The following GALNT6 variants were observed in gnomAD, a reference collection of about 807,000 sequenced individuals.
GALNT6 encodes polypeptide N-acetylgalactosaminyltransferase 6.
In GALNT6, 51 loss-of-function variants were observed where a neutral mutation model predicts 65.9. That is an observed-to-expected ratio of 0.77 (90% CI 0.62 to 0.98). The LOEUF (loss-of-function observed/expected upper bound fraction) is 0.98, where lower values mean the gene tolerates loss of function less well. GALNT6 is among the 50% of genes least tolerant of loss of function. The pLI is 0.00. For synonymous variants in GALNT6, 323 were observed against 315.1 expected, an observed-to-expected ratio of 1.02 and a Z score of -0.26; for missense variants, 708 against 803.3, an observed-to-expected ratio of 0.88 and a Z score of 1.43.
In GALNT6 at chr12:51,384,917, A is replaced by G. The variant is rs371136747; in HGVS notation, c.-103-5033T>C. Among the ~76,000 whole-genome samples, 15 of 152,306 alleles carry G rather than the reference A, an allele frequency of 9.8e-5. No individual in the cohort carries two copies. In the South Asian group the frequency reaches 2.5e-3, roughly 25 times the overall value. ...AAAAATAAATAAATTTTAAAAACCC[A>G]GAATAGAATGAAAAGAAAATATCAA... On this transcript the variant is annotated intron_variant, in intron 2 of 11. Coordinates refer to ENST00000356317, the MANE Select transcript of GALNT6 (RefSeq NM_007210.4).
intron 11 of GALNT6, 137 bp downstream of exon 11, chr12:51,355,669 C>A: frequency 1.5e-6 from 1 of 663,396 alleles, no homozygotes; most frequent in East Asian, 3.0e-5. Flanking sequence ...GGGGTTTCAC[C>A]ATGTTGGCCA....
chr12:51,362,396 T>C (rs1023470094), intron 6 of GALNT6, among the ~76,000 whole-genome samples: 2 of 152,054 alleles, frequency 1.3e-5, no homozygotes, highest in Admixed American at 6.5e-5. Flanking sequence ...TGGCTTGAGA[T>C]GGGAGGCCGG....
chr12:51,357,454 C>A lies in GALNT6; in HGVS notation c.1501-4G>T. On this transcript the variant is annotated splice_region_variant and splice_polypyrimidine_tract_variant and intron_variant, in intron 9 of 11. Transcript: ENST00000356317. ...GGTTGGTGCCGAGGTTCTTGATCTG[C>A]AGAAGGGTGAGCAGAGAGGGGAAGC... 5 of 1,607,718 alleles carry A rather than the reference C, an allele frequency of 3.1e-6. No individual in the cohort carries two copies. In the South Asian group the frequency reaches 4.4e-5, roughly 14 times the overall value.
rs570627140 is a variant in GALNT6, at chr12:51,364,054, G to A, written c.1049+67C>T. 17 of 1,038,082 alleles carry A rather than the reference G, an allele frequency of 1.6e-5. No individual in the cohort carries two copies. The African/African-American group carries it at 2.3e-4, about 14-fold the overall frequency. The allele number at this position is 1,038,082 out of a possible 1,614,324, so 64.3% of individuals were successfully genotyped here. ...CACCTAACAAATGTTGATGTGAGATGGCACAGGTTCCTGGAACTGGGTAGG... is the reference window on the plus strand; with the variant it reads ...CACCTAACAAATGTTGATGTGAGATAGCACAGGTTCCTGGAACTGGGTAGG... On this transcript the variant is annotated intron_variant, in intron 6 of 11. Coordinates refer to ENST00000356317, the MANE Select transcript of GALNT6 (RefSeq NM_007210.4).
At chr12:51,360,199 G>A (rs552602858) in intron 7 of GALNT6, 2 of 152,146 alleles carry the variant, frequency 1.3e-5, no homozygotes, top group African/African-American at 4.8e-5. Context: ...AGAGTTCTGG[G>A]GTCCACCAGA....
chr12:51,353,562 G>C lies in GALNT6; in HGVS notation c.*817C>G, dbSNP rs1226403665. 1 of 151,956 alleles carries C rather than the reference G, an allele frequency of 6.6e-6. No individual in the cohort carries two copies. Among genetic ancestry groups the C allele is most frequent in the East Asian group, 1.9e-4 (1 of 5,166 alleles). 9.4% of individuals were successfully genotyped at this position (151,956 alleles called of 1,614,324 possible). A position where few individuals can be genotyped will look rare whatever the true frequency, so the allele number is the denominator to read the frequency against. On this transcript the variant is annotated 3_prime_UTR_variant, in exon 12 of 12. Coordinates refer to ENST00000356317, the MANE Select transcript of GALNT6 (RefSeq NM_007210.4). ...TTTTTGTACTTTTAGTAGAGATGGAGTTTCACCATGTAGTCCAGGCTGGTT... is the reference window on the plus strand; with the variant it reads ...TTTTTGTACTTTTAGTAGAGATGGACTTTCACCATGTAGTCCAGGCTGGTT...
chr12:51,390,156 C>CTTTCTTTTT (rs1413158644), intron 2 of GALNT6, among the ~76,000 whole-genome samples: 6 of 116,320 alleles, frequency 5.2e-5, no homozygotes, highest in East Asian at 2.7e-4. Flanking sequence ...TTCTTTCTTT[C>CTTTCTTTTT]TTTTTTTTTT....
intron 9 of GALNT6, among the ~76,000 whole-genome samples, 195 bp downstream of exon 9, chr12:51,357,935 G>C (rs926996896): frequency 6.6e-6 from 1 of 152,192 alleles, no homozygotes; most frequent in Non-Finnish European, 1.5e-5. Context: ...ACTGCTTGTG[G>C]GTTGTTTTGC....
chr12:51,356,577 AG>A (rs929947902), intron 10 of GALNT6, among the ~76,000 whole-genome samples: 1 of 148,470 alleles, frequency 6.7e-6, no homozygotes. Context: ...TTGCCCAGAC[AG>A]GTCTCAAACT....
At chr12:51,355,294 A>G (rs1419956239) in intron 11 of GALNT6, among the ~76,000 whole-genome samples, 1 of 152,050 alleles carries the variant, frequency 6.6e-6, no homozygotes, top group Non-Finnish European at 1.5e-5. Context: ...ACGAACCATA[A>G]CCTGTCACCC....
Position 51,354,510 on chromosome 12 carries a change from A to C in GALNT6, c.1756-18T>G. The C allele has an allele frequency of 6.6e-7, 1 of 1,520,134 alleles. No individual in the cohort carries two copies. The highest frequency in any genetic ancestry group is 9.1e-7 in the Non-Finnish European group (1 of 1,103,970). The allele number at this position is 1,520,134 out of a possible 1,614,324, so 94.2% of individuals were successfully genotyped here. A position where few individuals can be genotyped will look rare whatever the true frequency, so the allele number is the denominator to read the frequency against. The stretch of plus-strand genomic sequence containing the variant: ...AGCTGATCCTAAAAGATGACAAAGC[A>C]AAAGGTCAGTCTGGGCCACAGACCT... On this transcript the variant is annotated intron_variant, in intron 11 of 11. Coordinates refer to ENST00000356317, the MANE Select transcript of GALNT6 (RefSeq NM_007210.4).
chr12:51,390,136 A>ATTTC (rs34438835), intron 2 of GALNT6, among the ~76,000 whole-genome samples: 18,891 of 73,686 alleles, frequency 0.26, 2,965 homozygotes, highest in Non-Finnish European at 0.31. Context: ...ATCAAAGCAT[A>ATTTC]TTTCTTTCTT....
Position 51,373,828 on chromosome 12 carries a change from A to G in GALNT6, c.664+3367T>C, listed in dbSNP as rs1317892455. The stretch of plus-strand genomic sequence containing the variant: ...CATTCCTTGTCCACCAGACCCTGTC[A>G]TTGCATCCCTGATACTTGCTTGCCT... On this transcript the variant is annotated intron_variant, in intron 4 of 11. Coordinates refer to ENST00000356317, the MANE Select transcript of GALNT6 (RefSeq NM_007210.4). Among the ~76,000 whole-genome samples, 4 of 152,254 alleles carry G rather than the reference A, an allele frequency of 2.6e-5. No individual in the cohort carries two copies. The East Asian group carries it at 7.7e-4, about 29-fold the overall frequency.
At chr12:51,365,382 A>C (rs1947064562) in intron 5 of GALNT6, 48 bp downstream of exon 5, 1 of 1,549,372 alleles carries the variant, frequency 6.5e-7, no homozygotes, top group African/African-American at 1.4e-5. Context: ...TCATTCTAGC[A>C]GGGAGGGAGC....
In GALNT6 at chr12:51,364,112, G is replaced by A. The variant is rs149115702; in HGVS notation, c.1049+9C>T. 8.9e-5 allele frequency: 142 copies of A among 1,596,064 alleles called. No homozygotes were observed. In the Middle Eastern group the frequency reaches 9.9e-4, roughly 11 times the overall value. On this transcript the variant is annotated intron_variant, in intron 6 of 11. Transcript: ENST00000356317. ...CCAGGTTGGGGGCTCACCAGGCTGC[G>A]GTCCTTACTTGATGGGGTAGGTTTC... is the stretch of plus-strand genomic sequence containing the variant.
At chr12:51,365,631 A>C in intron 4 of GALNT6, 52 bp from the exon 5 acceptor site, 1 of 1,576,228 alleles carries the variant, frequency 6.3e-7, no homozygotes, top group Non-Finnish European at 8.7e-7. Flanking sequence ...TGTATACCCA[A>C]TCCCCTGTGG....
intron 4 of GALNT6, among the ~76,000 whole-genome samples, chr12:51,376,247 G>A (rs1947448503): frequency 6.6e-6 from 1 of 152,156 alleles, no homozygotes. Flanking sequence ...GGTCAGAGCT[G>A]GGATTTGAAT....
intron 11 of GALNT6, among the ~76,000 whole-genome samples, chr12:51,355,447 C>T (rs1290021040): frequency 1.3e-5 from 2 of 151,992 alleles, no homozygotes; most frequent in East Asian, 1.9e-4. Flanking sequence ...ATAGAGGGGC[C>T]GATGTGGCCT....
rs1391593919 is a variant in GALNT6 at position 51,352,211 on chromosome 12, G to T, written c.*2168C>A. The stretch of plus-strand genomic sequence containing the variant: ...CCAGCAAAAGAGCCATGTGCAGTCG[G>T]GTCTGCTCCCCATGGGGGCTTTGAT... On this transcript the variant is annotated 3_prime_UTR_variant, in exon 12 of 12. Transcript: ENST00000356317. The T allele has an allele frequency of 1.3e-5, 2 of 152,256 alleles. No homozygotes were observed. The highest frequency in any genetic ancestry group is 4.8e-5 in the African/African-American group (2 of 41,442). The allele number at this position is 152,256 out of a possible 1,614,324, so 9.4% of individuals were successfully genotyped here.
Sources: gnomAD v4.1 joint callset for allele counts (sites outside exome capture counted in the v4.1 genomes callset) on GRCh38, gnomAD v4.1.1 for gene constraint, MANE v1.5 for transcripts, NCBI Gene and HGNC (gene_info 2026-07-23, HGNC 2026-07-21) for gene names.